Variants in RIN2 observed in about 807,000 individuals in gnomAD.
RIN2 encodes Ras and Rab interactor 2.
Under a neutral mutation model 78.0 loss-of-function variants are expected in RIN2, and 36 were observed. The ratio of observed to expected loss-of-function variants is 0.46; its 90% CI spans 0.35 to 0.61. The LOEUF (loss-of-function observed/expected upper bound fraction) is 0.61, where lower values mean the gene tolerates loss of function less well. Ranked by LOEUF, RIN2 falls within the 20% of genes least tolerant of loss-of-function variation. The probability of loss-of-function intolerance (pLI) is 0.00; values close to 1 mark genes in which losing one functional copy is unlikely to be tolerated. For missense variants in RIN2, 1,087 were observed against 1,159.7 expected, an observed-to-expected ratio of 0.94 and a Z score of 0.91; for synonymous variants, 466 against 466.8, an observed-to-expected ratio of 1.00 and a Z score of 0.02.
chr20:19,968,348 CATTT>C (rs1316813122), intron 7 of RIN2, among the ~76,000 whole-genome samples: 1 of 152,148 alleles, frequency 6.6e-6, no homozygotes, highest in African/African-American at 2.4e-5. Flanking sequence ...TTGGGTGAAA[CATTT>C]ATATCTAAGA....
At chr20:19,960,659 T>C (rs975664460) in intron 5 of RIN2, 41 bp from the exon 6 acceptor site, 1 of 1,417,852 alleles carries the variant, frequency 7.1e-7, no homozygotes, top group Non-Finnish European at 9.8e-7. Context: ...TCCAACATTC[T>C]AGATATTTCC....
At chr20:19,788,450 C>CAAAAAAAAAA (rs908072671) in intron 1 of RIN2, among the ~76,000 whole-genome samples, 1 of 103,520 alleles carries the variant, frequency 9.7e-6, no homozygotes, top group African/African-American at 5.9e-5. Flanking sequence ...AAAAAAAAAA[C>CAAAAAAAAAA]AACTAGCTAG....
intron 2 of RIN2, among the ~76,000 whole-genome samples, chr20:19,869,030 CGA>C (rs1158899843): frequency 1.3e-5 from 1 of 74,618 alleles, no homozygotes; most frequent in Non-Finnish European, 3.0e-5. Flanking sequence ...GCAGTTGAGC[CGA>C]GATCACGCCA....
At chr20:19,823,920 G>A (rs1010206857) in intron 2 of RIN2, 4 of 1,579,696 alleles carry the variant, frequency 2.5e-6, no homozygotes, top group East Asian at 2.3e-5. Context: ...CTTTGATCTC[G>A]TTCGGGTCGA....
intron 3 of RIN2, among the ~76,000 whole-genome samples, chr20:19,894,544 C>T (rs572272753): frequency 1.4e-4 from 21 of 152,300 alleles, no homozygotes; most frequent in Middle Eastern, 3.4e-3. Context: ...GAGCCAGCAC[C>T]CCTGGCCTAA....
intron 4 of RIN2, among the ~76,000 whole-genome samples, chr20:19,938,228 GT>G (rs1403551115): frequency 6.6e-6 from 1 of 151,984 alleles, no homozygotes; most frequent in African/African-American, 2.4e-5. Context: ...GTTTTTGTTT[GT>G]TTGTTTTGAG....
chr20:19,857,710 A>T (rs1433913894), intron 2 of RIN2, among the ~76,000 whole-genome samples: 4 of 151,976 alleles, frequency 2.6e-5, no homozygotes, highest in African/African-American at 9.7e-5. Flanking sequence ...TCCTCACTGG[A>T]TATGGTGGTA....
intron 9 of RIN2, among the ~76,000 whole-genome samples, chr20:19,977,102 A>G (rs1006385232): frequency 6.6e-6 from 1 of 152,196 alleles, no homozygotes; most frequent in Admixed American, 6.5e-5. Context: ...CCATCCCACC[A>G]GAGACCCGCT....
chr20:19,851,368 A>G (rs553663610), intron 2 of RIN2, among the ~76,000 whole-genome samples: 206 of 152,212 alleles, frequency 1.4e-3, no homozygotes, highest in African/African-American at 4.8e-3. Flanking sequence ...GTACAGATGA[A>G]GGAGATTGGG....
At chr20:19,850,244 A>G (rs532595005) in intron 2 of RIN2, among the ~76,000 whole-genome samples, 19 of 151,946 alleles carry the variant, frequency 1.3e-4, no homozygotes, top group Non-Finnish European at 2.4e-4. Flanking sequence ...CCTCCCTTAC[A>G]TTTCCACCCT....
At chr20:19,817,111 C>T (rs2035789849) in intron 2 of RIN2, among the ~76,000 whole-genome samples, 1 of 152,216 alleles carries the variant, frequency 6.6e-6, no homozygotes, top group Admixed American at 6.5e-5. Context: ...GGGGAATCAA[C>T]AGTCTAAAAC....
At chr20:19,827,890 G>T (rs1019952812) in intron 2 of RIN2, among the ~76,000 whole-genome samples, 8 of 148,478 alleles carry the variant, frequency 5.4e-5, no homozygotes, top group Non-Finnish European at 1.2e-4. Flanking sequence ...GTTTTATTTA[G>T]CTTTGTTTTA....
intron 2 of RIN2, among the ~76,000 whole-genome samples, chr20:19,845,412 T>G (rs907638929): frequency 6.6e-6 from 1 of 152,230 alleles, no homozygotes; most frequent in Non-Finnish European, 1.5e-5. Flanking sequence ...CCTGACTTTT[T>G]AATGATCACC....
intron 2 of RIN2, among the ~76,000 whole-genome samples, chr20:19,806,178 T>C (rs35137495): frequency 0.11 from 16,228 of 152,246 alleles, 930 homozygotes; most frequent in South Asian, 0.19. Flanking sequence ...CTGCAATAAA[T>C]GTGAGTGTGC....
chr20:19,885,034 A>C (rs987752594), intron 2 of RIN2, among the ~76,000 whole-genome samples: 6 of 152,292 alleles, frequency 3.9e-5, no homozygotes, highest in African/African-American at 1.4e-4. Flanking sequence ...AACGGCTAGA[A>C]AGAAAAACTG....
At chr20:19,866,453 G>A (rs1253336826) in intron 2 of RIN2, among the ~76,000 whole-genome samples, 2 of 152,164 alleles carry the variant, frequency 1.3e-5, no homozygotes, top group Non-Finnish European at 1.5e-5. Flanking sequence ...GGACTCCACA[G>A]GGCTGGGGAG....
chr20:19,860,358 G>A (rs201469502), intron 2 of RIN2, among the ~76,000 whole-genome samples: 1 of 46,934 alleles, frequency 2.1e-5, no homozygotes, highest in Non-Finnish European at 4.3e-5. Context: ...GTCTCACTCT[G>A]TTGCTCAGGC....
chr20:19,769,030 G>C (rs181149244), intron 1 of RIN2, among the ~76,000 whole-genome samples: 3 of 149,516 alleles, frequency 2.0e-5, no homozygotes, highest in African/African-American at 7.4e-5. Context: ...CAAGTGATTC[G>C]CCTGCCTCAG....
At chr20:19,952,193 T>A (rs555878691) in intron 4 of RIN2, among the ~76,000 whole-genome samples, 2 of 152,316 alleles carry the variant, frequency 1.3e-5, no homozygotes, top group African/African-American at 4.8e-5. Context: ...ATCTCACATA[T>A]GTAGAAAGTA....
Sources: allele counts gnomAD v4.1 joint callset (sites outside exome capture counted in the v4.1 genomes callset), GRCh38; gene constraint gnomAD v4.1.1; transcripts MANE v1.5; gene names NCBI Gene and HGNC (gene_info 2026-07-23, HGNC 2026-07-21).